The following CUBN variants were observed in gnomAD, a reference collection of about 807,000 sequenced individuals.
CUBN encodes 460 kDa receptor.
In CUBN, 282 loss-of-function variants were observed where a neutral mutation model predicts 405.3. That is an observed-to-expected ratio of 0.70 (90% CI 0.63 to 0.77). CUBN has a LOEUF of 0.77. CUBN is among the 30% of genes least tolerant of loss of function. The pLI is 0.00. For missense variants in CUBN, 4,514 were observed against 4,475.2 expected, an observed-to-expected ratio of 1.01 and a Z score of -0.25; for synonymous variants, 1,684 against 1,617.0, an observed-to-expected ratio of 1.04 and a Z score of -0.99.
Position 17,084,465 on chromosome 10 carries a change from A to AGAACAGGGAAGAGAC in CUBN, c.2111-19_2111-5dup. On this transcript the variant is annotated splice_polypyrimidine_tract_variant and splice_region_variant and intron_variant, in intron 16 of 66. Coordinates refer to ENST00000377833, the MANE Select transcript of CUBN (RefSeq NM_001081.4). ...TTCCCACCACAACGCAGATCCGCTA[A>AGAACAGGGAAGAGAC]GAACAGGGAAGAGACGAACAGGTCA... The AGAACAGGGAAGAGAC allele has an allele frequency of 6.2e-7, 1 of 1,612,314 alleles. No homozygotes were observed. The highest frequency in any genetic ancestry group is 8.5e-7 in the Non-Finnish European group (1 of 1,179,494).
chr10:16,863,727 G>C (rs1174732037), intron 59 of CUBN, among the ~76,000 whole-genome samples: 12 of 151,998 alleles, frequency 7.9e-5, no homozygotes, highest in Admixed American at 2.6e-4. Flanking sequence ...CATTTGTTGT[G>C]ACCATGTTTT....
chr10:17,044,084 T>C, intron 25 of CUBN, 101 bp from the exon 26 acceptor site: 1 of 477,950 alleles, frequency 2.1e-6, no homozygotes, highest in South Asian at 2.2e-5. Flanking sequence ...TATATATTTA[T>C]TATGTATATA....
chr10:17,039,273 A>G (rs1834965728), intron 27 of CUBN, among the ~76,000 whole-genome samples: 1 of 152,230 alleles, frequency 6.6e-6, no homozygotes, highest in African/African-American at 2.4e-5. Flanking sequence ...CGTGTGTAGG[A>G]GGTCGTACAA....
chr10:16,881,758 C>T (rs1840670573), intron 56 of CUBN, among the ~76,000 whole-genome samples: 1 of 152,180 alleles, frequency 6.6e-6, no homozygotes, highest in East Asian at 1.9e-4. Context: ...ATATTAGAAG[C>T]TGGTAAAATT....
At chr10:16,889,935 CAA>C (rs1554788544) in intron 55 of CUBN, among the ~76,000 whole-genome samples, 8 of 19,894 alleles carry the variant, frequency 4.0e-4, no homozygotes, top group Admixed American at 1.3e-3. Context: ...GACGCCGTGT[CAA>C]AAAAAAAAAA....
intron 27 of CUBN, among the ~76,000 whole-genome samples, chr10:17,021,753 C>A (rs1310416228): frequency 3.3e-5 from 5 of 151,746 alleles, no homozygotes; most frequent in African/African-American, 7.3e-5. Flanking sequence ...GCCCCTAATC[C>A]CTGCAGTCAG....
At chr10:17,006,805 G>A (rs574810280) in intron 28 of CUBN, among the ~76,000 whole-genome samples, 1 of 152,216 alleles carries the variant, frequency 6.6e-6, no homozygotes, top group South Asian at 2.1e-4. Flanking sequence ...ACTTCTCAAG[G>A]CTTGAGAAAT....
intron 54 of CUBN, among the ~76,000 whole-genome samples, chr10:16,898,550 A>C (rs1021933873): frequency 6.6e-6 from 1 of 152,230 alleles, no homozygotes; most frequent in African/African-American, 2.4e-5. Flanking sequence ...GTCACAAGTC[A>C]GTGGAAAGTG....
chr10:16,854,881 T>C (rs12762485), intron 59 of CUBN, among the ~76,000 whole-genome samples: 2 of 151,706 alleles, frequency 1.3e-5, no homozygotes, highest in Non-Finnish European at 2.9e-5. Flanking sequence ...ATGGATTGAG[T>C]GGTAAATTGG....
intron 31 of CUBN, among the ~76,000 whole-genome samples, chr10:16,972,968 A>G (rs1428108706): frequency 6.6e-6 from 1 of 152,132 alleles, no homozygotes; most frequent in Non-Finnish European, 1.5e-5. Context: ...CTGCCAAGCC[A>G]TTCTTCACAC....
At chr10:16,920,799 C>T (rs1842012408) in intron 43 of CUBN, among the ~76,000 whole-genome samples, 1 of 152,174 alleles carries the variant, frequency 6.6e-6, no homozygotes, top group African/African-American at 2.4e-5. Context: ...AGTAAAAGTA[C>T]TTACAATGCC....
At position 16,831,385 on chromosome 10, in the gene CUBN, T is replaced by C; in HGVS notation, c.10395A>G (p.Leu3465=). ...GCAGAGTTCCACAGTACTTGCCCAG[T>C]AATGGTGAATTGCTGTTACTTCCAT... ...VRNGSNSNSP[L]LGKYCGTLLP... Residue 3465 remains leucine (L), a synonymous_variant, in exon 65 of 67, where the codon TTA becomes TTG. Transcript: ENST00000377833. 6.2e-7 allele frequency: 1 copy of C among 1,614,048 alleles called. No homozygotes were observed. The highest frequency in any genetic ancestry group is 8.5e-7 in the Non-Finnish European group (1 of 1,179,868).
chr10:16,858,268 T>C (rs142955200), intron 59 of CUBN, among the ~76,000 whole-genome samples: 1 of 152,324 alleles, frequency 6.6e-6, no homozygotes, highest in East Asian at 1.9e-4. Context: ...CCTATAAAAA[T>C]CTCAGCAAGG....
At chr10:17,083,149 AG>A (rs1228551785) in intron 17 of CUBN, among the ~76,000 whole-genome samples, 1 of 152,196 alleles carries the variant, frequency 6.6e-6, no homozygotes, top group African/African-American at 2.4e-5. Context: ...AAGAGACTTT[AG>A]AAAACCTAAA....
chr10:17,126,185 G>A (rs1014363271), intron 4 of CUBN, among the ~76,000 whole-genome samples: 1 of 152,108 alleles, frequency 6.6e-6, no homozygotes. Flanking sequence ...TGCATAGAAG[G>A]TTACAGCTTC....
At chr10:16,960,619 T>A (rs952796875) in intron 31 of CUBN, among the ~76,000 whole-genome samples, 1 of 152,096 alleles carries the variant, frequency 6.6e-6, no homozygotes, top group Non-Finnish European at 1.5e-5. Flanking sequence ...AACAAATGAA[T>A]AAATGAATAT....
At chr10:16,960,474 A>G (rs962433477) in intron 31 of CUBN, among the ~76,000 whole-genome samples, 2 of 152,250 alleles carry the variant, frequency 1.3e-5, no homozygotes, top group African/African-American at 4.8e-5. Context: ...CCTGGGTGAC[A>G]GAATAAGACT....
intron 17 of CUBN, among the ~76,000 whole-genome samples, chr10:17,077,904 C>T (rs1346695860): frequency 4.6e-5 from 7 of 152,060 alleles, no homozygotes; most frequent in Non-Finnish European, 1.0e-4. Context: ...CTTTTCATGC[C>T]TTGTGAAAGT....
intron 13 of CUBN, among the ~76,000 whole-genome samples, chr10:17,101,608 AT>A (rs1322028074): frequency 1.3e-5 from 2 of 152,188 alleles, no homozygotes; most frequent in Non-Finnish European, 2.9e-5. Context: ...ATACCATTTT[AT>A]TTTTATGAAT....
Sources: gnomAD v4.1 joint callset for allele counts (sites outside exome capture counted in the v4.1 genomes callset) on GRCh38, gnomAD v4.1.1 for gene constraint, MANE v1.5 for transcripts, NCBI Gene and HGNC (gene_info 2026-07-23, HGNC 2026-07-21) for gene names.